PRMT3: variants seen among roughly 807,000 people sequenced by gnomAD.
The protein encoded by PRMT3 is protein arginine N-methyltransferase 3.
In PRMT3, 62 loss-of-function variants were observed where a neutral mutation model predicts 71.9. That is an observed-to-expected ratio of 0.86 (90% CI 0.70 to 1.07). The LOEUF is 1.07. Among genes scored for constraint, PRMT3 ranks in the 50% least tolerant of loss-of-function variants. The pLI is 0.00. For synonymous variants in PRMT3, 213 were observed against 220.4 expected (o/e 0.97, Z 0.30); for missense variants, 663 against 643.0 (o/e 1.03, Z -0.34).
chr11:20,437,652 C>T lies in PRMT3; in HGVS notation c.993+10787C>T, dbSNP rs186251055. On this transcript the variant is annotated intron_variant, in intron 10 of 15. Transcript: ENST00000331079. ...TTGCCCAGGCTGGAGTGCAGTGGTG[C>T]GATCTCGGCTCAATGCAAGCTCCGC... 5.6e-4 allele frequency among the ~76,000 whole-genome samples: 85 copies of T among 151,776 alleles called. 3 individuals carry two copies. The East Asian group carries it at 0.015, about 27-fold the overall frequency.
chr11:20,413,947 C>T (rs917286374), intron 9 of PRMT3, among the ~76,000 whole-genome samples: 2 of 152,108 alleles, frequency 1.3e-5, no homozygotes, highest in Non-Finnish European at 2.9e-5. Flanking sequence ...AGAATGTCTT[C>T]TGTTAAACTC....
intron 7 of PRMT3, among the ~76,000 whole-genome samples, chr11:20,397,979 GC>G (rs2133305937): frequency 7.4e-6 from 1 of 135,572 alleles, no homozygotes; most frequent in East Asian, 2.1e-4. Context: ...TTTGACACCA[GC>G]CTGGGCAATA....
chr11:20,397,173 C>A (rs1565193404), intron 6 of PRMT3, among the ~76,000 whole-genome samples: 1 of 152,238 alleles, frequency 6.6e-6, no homozygotes, highest in East Asian at 1.9e-4. Flanking sequence ...GGTCTACTTT[C>A]TGCTTACATA....
chr11:20,464,435 T>G, intron 12 of PRMT3, 25 bp from the exon 13 acceptor site: 2 of 1,557,270 alleles, frequency 1.3e-6, no homozygotes, highest in Non-Finnish European at 1.7e-6. Context: ...ACTAAGCTCT[T>G]TCTTCACTTC....
At chr11:20,403,538 G>A (rs1265052853) in intron 8 of PRMT3, among the ~76,000 whole-genome samples, 1 of 151,606 alleles carries the variant, frequency 6.6e-6, no homozygotes, top group East Asian at 1.9e-4. Context: ...CTTATACCCT[G>A]TGTGTGCATG....
chr11:20,392,357 G>T, intron 4 of PRMT3, 97 bp downstream of exon 4: 1 of 1,294,642 alleles, frequency 7.7e-7, no homozygotes, highest in Non-Finnish European at 1.0e-6. Context: ...ATGAGGAACT[G>T]CATTAAATTT....
chr11:20,424,357 C>A (rs988401612), intron 9 of PRMT3, among the ~76,000 whole-genome samples: 1 of 152,058 alleles, frequency 6.6e-6, no homozygotes, highest in African/African-American at 2.4e-5. Flanking sequence ...AATTTGGGGG[C>A]AGAATTGAAA....
intron 2 of PRMT3, among the ~76,000 whole-genome samples, chr11:20,388,779 G>A (rs1848651566): frequency 6.6e-6 from 1 of 152,238 alleles, no homozygotes. Flanking sequence ...GCTGTGGTGT[G>A]CTTATTTCCA....
At chr11:20,501,380 GGGTAACACTA>G (rs1376200169) in intron 15 of PRMT3, among the ~76,000 whole-genome samples, 1 of 152,018 alleles carries the variant, frequency 6.6e-6, no homozygotes, top group Non-Finnish European at 1.5e-5. Context: ...CCATCACCTT[GGGTAACACTA>G]TGCCAAGGTC....
intron 9 of PRMT3, among the ~76,000 whole-genome samples, chr11:20,424,714 T>C (rs1426764142): frequency 6.6e-6 from 1 of 152,164 alleles, no homozygotes; most frequent in East Asian, 1.9e-4. Flanking sequence ...ATTCAAAACA[T>C]ACCATTTAAA....
intron 10 of PRMT3, among the ~76,000 whole-genome samples, chr11:20,447,848 T>C (rs1380256764): frequency 6.6e-6 from 1 of 152,096 alleles, no homozygotes; most frequent in Non-Finnish European, 1.5e-5. Context: ...GAACACAAAC[T>C]ATTGACAAGA....
At chr11:20,490,197 A>C (rs1341745450) in intron 13 of PRMT3, among the ~76,000 whole-genome samples, 1 of 151,832 alleles carries the variant, frequency 6.6e-6, no homozygotes, top group Non-Finnish European at 1.5e-5. Flanking sequence ...CTTTCTGTTT[A>C]ATGTGTGCTG....
chr11:20,421,866 C>G (rs1458532525), intron 9 of PRMT3, among the ~76,000 whole-genome samples: 1 of 152,124 alleles, frequency 6.6e-6, no homozygotes, highest in Non-Finnish European at 1.5e-5. Context: ...ATAAAGTACT[C>G]GAGAATGGGG....
rs747149243 is a variant in PRMT3, at chr11:20,464,558, C to T, written c.1347+12C>T. On this transcript the variant is annotated intron_variant, in intron 13 of 15. Transcript: ENST00000331079. Reference sequence around the variant, plus strand: ...CATCCATGTGCACGGTAAGCTATTTCATTCTGCTTTTACAAATTTCACTAG... The same window carrying T: ...CATCCATGTGCACGGTAAGCTATTTTATTCTGCTTTTACAAATTTCACTAG... The T allele has an allele frequency of 6.2e-7, 1 of 1,605,802 alleles. No homozygotes were observed. The highest frequency in any genetic ancestry group is 8.5e-7 in the Non-Finnish European group (1 of 1,177,546).
intron 3 of PRMT3, among the ~76,000 whole-genome samples, 166 bp downstream of exon 3, chr11:20,389,992 A>C (rs1848678190): frequency 6.6e-6 from 1 of 152,090 alleles, no homozygotes; most frequent in African/African-American, 2.4e-5. Flanking sequence ...CCTGTACTAA[A>C]ATACAAAAGT....
At chr11:20,497,923 G>GA (rs1391161385) in intron 15 of PRMT3, among the ~76,000 whole-genome samples, 1 of 152,024 alleles carries the variant, frequency 6.6e-6, no homozygotes, top group Non-Finnish European at 1.5e-5. Flanking sequence ...ATGGGTGCAG[G>GA]AAAATGTCTG....
chr11:20,469,572 G>T (rs1452071625), intron 13 of PRMT3, among the ~76,000 whole-genome samples: 1 of 152,132 alleles, frequency 6.6e-6, no homozygotes, highest in African/African-American at 2.4e-5. Context: ...CAAAATGCTT[G>T]CTTGGGCCCA....
intron 10 of PRMT3, among the ~76,000 whole-genome samples, chr11:20,443,958 A>T (rs1208808531): frequency 6.6e-6 from 1 of 152,198 alleles, no homozygotes; most frequent in East Asian, 1.9e-4. Context: ...AGTGGAAGAA[A>T]GTAGTCTTGC....
intron 10 of PRMT3, among the ~76,000 whole-genome samples, chr11:20,440,615 A>G (rs1458019184): frequency 2.0e-5 from 3 of 151,324 alleles, no homozygotes; most frequent in Non-Finnish European, 4.4e-5. Context: ...GATGTCTTTT[A>G]TGTACAATGA....
Sources: gnomAD v4.1 joint callset for allele counts (sites outside exome capture counted in the v4.1 genomes callset) on GRCh38, gnomAD v4.1.1 for gene constraint, MANE v1.5 for transcripts, NCBI Gene and HGNC (gene_info 2026-07-23, HGNC 2026-07-21) for gene names.